COL21A1: variants seen among roughly 807,000 people sequenced by gnomAD.
COL21A1 encodes collagen type XXI alpha 1 chain.
In COL21A1, 149 loss-of-function variants were observed where a neutral mutation model predicts 137.9. The ratio of observed to expected loss-of-function variants is 1.08; its 90% CI spans 0.95 to 1.24. COL21A1 has a LOEUF of 1.24. COL21A1 is among the 50% of genes most tolerant of loss of function. The probability of loss-of-function intolerance (pLI) is 0.00; values close to 1 mark genes in which losing one functional copy is unlikely to be tolerated. For synonymous variants in COL21A1, 456 were observed against 391.5 expected, an observed-to-expected ratio of 1.16 and a Z score of -1.95; for missense variants, 1,167 against 1,158.4, an observed-to-expected ratio of 1.01 and a Z score of -0.11.
intron 1 of COL21A1, among the ~76,000 whole-genome samples, chr6:56,281,992 C>T (rs914855996): frequency 1.2e-4 from 19 of 152,212 alleles, no homozygotes; most frequent in South Asian, 4.1e-4. Context: ...TGCTGTGAGA[C>T]GATGTGTCAA....
chr6:56,375,781 G>A (rs865825574), intron 1 of COL21A1, among the ~76,000 whole-genome samples: 1 of 152,156 alleles, frequency 6.6e-6, no homozygotes. Flanking sequence ...GGGTGGGTGT[G>A]GGGGAGAGCT....
At chr6:56,203,684 C>T (rs1267918309) in intron 1 of COL21A1, among the ~76,000 whole-genome samples, 2 of 152,194 alleles carry the variant, frequency 1.3e-5, no homozygotes, top group African/African-American at 2.4e-5. Context: ...GCAAGATGGC[C>T]GAATAGGAAC....
chr6:56,179,128 A>G (rs1777705685), intron 3 of COL21A1, among the ~76,000 whole-genome samples: 1 of 152,078 alleles, frequency 6.6e-6, no homozygotes, highest in African/African-American at 2.4e-5. Flanking sequence ...TATATATGCA[A>G]TAGTATCTTG....
At chr6:56,347,743 ATCTCTT>A (rs1765627459) in intron 1 of COL21A1, among the ~76,000 whole-genome samples, 1 of 151,998 alleles carries the variant, frequency 6.6e-6, no homozygotes, top group African/African-American at 2.4e-5. Context: ...GATTTAGAAA[ATCTCTT>A]TCTGATGATA....
chr6:56,213,670 G>A (rs550883191), intron 1 of COL21A1, among the ~76,000 whole-genome samples: 15 of 150,672 alleles, frequency 1.0e-4, no homozygotes, highest in African/African-American at 3.2e-4. Context: ...ACTCCTTTAC[G>A]GAAAAAAAAA....
chr6:56,185,732 G>A (rs1451757397), intron 1 of COL21A1, among the ~76,000 whole-genome samples: 2 of 152,058 alleles, frequency 1.3e-5, no homozygotes, highest in African/African-American at 4.8e-5. Flanking sequence ...ACCGCGCCCG[G>A]CCTGAACAAA....
At chr6:56,099,994 C>G (rs561707120) in intron 17 of COL21A1, among the ~76,000 whole-genome samples, 8 of 152,288 alleles carry the variant, frequency 5.3e-5, no homozygotes, top group African/African-American at 1.9e-4. Flanking sequence ...GTTCTTTTTA[C>G]TATGTTCTCT....
At chr6:56,069,602 TCTCTAA>T (rs1766561620) in intron 21 of COL21A1, among the ~76,000 whole-genome samples, 2 of 150,376 alleles carry the variant, frequency 1.3e-5, no homozygotes, top group South Asian at 2.1e-4. Context: ...ATGTATTTTT[TCTCTAA>T]CTCTAATTCA....
At chr6:56,304,287 G>T (rs1159507075) in intron 1 of COL21A1, among the ~76,000 whole-genome samples, 4 of 151,788 alleles carry the variant, frequency 2.6e-5, no homozygotes, top group Non-Finnish European at 4.4e-5. Context: ...CTATTGATTG[G>T]AATAGTTTCA....
chr6:56,387,184 T>G (rs1203975825), intron 1 of COL21A1, among the ~76,000 whole-genome samples: 1 of 152,240 alleles, frequency 6.6e-6, no homozygotes, highest in Admixed American at 6.5e-5. Context: ...AATCTCATTA[T>G]TTACAAATTA....
Position 56,391,404 on chromosome 6 carries a change from T to G in COL21A1, c.-39+2567A>C, listed in dbSNP as rs377536718. Among the ~76,000 whole-genome samples the G allele has an allele frequency of 9.9e-5, 15 of 151,640 alleles. 1 individual carries two copies. The highest frequency in any genetic ancestry group is 3.6e-4 in the African/African-American group (15 of 41,378). On this transcript the variant is annotated intron_variant, in intron 1 of 28. Coordinates refer to the COL21A1 transcript ENST00000370819. The stretch of plus-strand genomic sequence containing the variant: ...TAAAGTACTAGAAAAGCAAAGCAAA[T>G]CAAATTCAAAATTAATAGAAGAAAT...
At chr6:56,210,910 C>T (rs1561988169) in intron 1 of COL21A1, among the ~76,000 whole-genome samples, 1 of 151,666 alleles carries the variant, frequency 6.6e-6, no homozygotes, top group African/African-American at 2.4e-5. Context: ...CTAATTTAAA[C>T]CATTGAATGT....
chr6:56,080,152 C>T (rs189553967), intron 17 of COL21A1, among the ~76,000 whole-genome samples: 1 of 151,886 alleles, frequency 6.6e-6, no homozygotes, highest in East Asian at 1.9e-4. Flanking sequence ...TTGTTGATCG[C>T]AAAGTATTTA....
intron 1 of COL21A1, among the ~76,000 whole-genome samples, chr6:56,199,945 G>C (rs1047517799): frequency 1.3e-5 from 2 of 152,158 alleles, no homozygotes; most frequent in African/African-American, 4.8e-5. Flanking sequence ...ACTGGTAAGT[G>C]TATAATGAAA....
At chr6:56,156,287 C>A (rs9396175) in intron 10 of COL21A1, among the ~76,000 whole-genome samples, 2 of 151,950 alleles carry the variant, frequency 1.3e-5, no homozygotes, top group Non-Finnish European at 2.9e-5. Context: ...CCCAAGCTGG[C>A]CTTAACATTC....
At chr6:56,387,457 A>AC (rs2094020415) in intron 1 of COL21A1, among the ~76,000 whole-genome samples, 1 of 152,106 alleles carries the variant, frequency 6.6e-6, no homozygotes, top group Non-Finnish European at 1.5e-5. Context: ...CAAACACCAA[A>AC]AAAAATCAGG....
intron 1 of COL21A1, among the ~76,000 whole-genome samples, chr6:56,319,283 G>A (rs557097385): frequency 3.0e-4 from 45 of 152,216 alleles, no homozygotes; most frequent in Non-Finnish European, 5.4e-4. Context: ...AGAGTCAAGA[G>A]GGGAAGGAAA....
intron 1 of COL21A1, among the ~76,000 whole-genome samples, chr6:56,207,888 A>T (rs1445978543): frequency 1.3e-5 from 2 of 152,178 alleles, no homozygotes; most frequent in African/African-American, 4.8e-5. Context: ...ACATACGCAA[A>T]TCAATAAACA....
Position 56,255,899 on chromosome 6 carries a change from A to G in COL21A1, c.-38-73243T>C, listed in dbSNP as rs373010417. On this transcript the variant is annotated intron_variant, in intron 1 of 28. Transcript: ENST00000370819. The stretch of plus-strand genomic sequence containing the variant: ...GAGGGGACGGCACAGGATGGGCTCC[A>G]TAGGGTTCTTCTGAACCTGAACCAC... 1.9e-3 allele frequency among the ~76,000 whole-genome samples: 284 copies of G among 152,288 alleles called. 1 individual carries two copies. The highest frequency in any genetic ancestry group is 6.7e-3 in the African/African-American group (279 of 41,562).
Sources: allele counts gnomAD v4.1 joint callset (sites outside exome capture counted in the v4.1 genomes callset), GRCh38; gene constraint gnomAD v4.1.1; transcripts MANE v1.5; gene names NCBI Gene and HGNC (gene_info 2026-07-23, HGNC 2026-07-21).